Variants in BTG4 observed in about 807,000 individuals in gnomAD.
The protein encoded by BTG4 is BTG anti-proliferation factor 4.
A neutral mutation model predicts 19.3 loss-of-function variants in BTG4; 10 were observed. The observed-to-expected ratio is 0.52, with a 90% CI of 0.32 to 0.88. The LOEUF (loss-of-function observed/expected upper bound fraction) is 0.88, where lower values mean the gene tolerates loss of function less well. Among genes scored for constraint, BTG4 ranks in the 40% least tolerant of loss-of-function variants. The pLI, the probability that BTG4 is intolerant of heterozygous loss-of-function variation, is 0.04. For missense variants in BTG4, 238 were observed against 281.9 expected (o/e 0.84, Z 1.11); for synonymous variants, 91 against 95.7 (o/e 0.95, Z 0.29).
the BTG4 span, among the ~76,000 whole-genome samples, chr11:111,420,745 T>C: frequency 6.6e-6 from 1 of 152,248 alleles, no homozygotes. Flanking sequence ...CACATTTTTA[T>C]TGAGCACCTA....
downstream of BTG4, chr11:111,466,612 T>C (rs556719966): frequency 6.6e-6 from 1 of 152,120 alleles, no homozygotes; most frequent in East Asian, 1.9e-4. Flanking sequence ...GGTGGGTGGA[T>C]GGATGGATGG....
chr11:111,511,480 G>T lies in BTG4; in HGVS notation c.-27+701C>A, dbSNP rs118043702. Among the ~76,000 whole-genome samples the T allele has an allele frequency of 1.4e-4, 21 of 152,320 alleles. No individual in the cohort carries two copies. In the East Asian group the frequency reaches 3.7e-3, roughly 27 times the overall value. ...TTTTAGGGAATCAATCTATAGGTGGGAAGTTTTCTTTTGCAGAAACTAATT... is the reference window on the plus strand; with the variant it reads ...TTTTAGGGAATCAATCTATAGGTGGTAAGTTTTCTTTTGCAGAAACTAATT... On this transcript the variant is annotated intron_variant, in intron 1 of 4. Transcript: ENST00000692032.
At chr11:111,509,221 A>G (rs1162923681) in intron 1 of BTG4, among the ~76,000 whole-genome samples, 2 of 152,234 alleles carry the variant, frequency 1.3e-5, no homozygotes, top group Non-Finnish European at 2.9e-5. Context: ...TCTCCCATAA[A>G]TAGATTCAAT....
At chr11:111,406,801 G>A in the BTG4 span, among the ~76,000 whole-genome samples, 13 of 152,170 alleles carry the variant, frequency 8.5e-5, no homozygotes, top group African/African-American at 1.9e-4. Flanking sequence ...GAAGCAAGGC[G>A]TTGGTGGGAT....
At chr11:111,418,648 T>C in the BTG4 span, among the ~76,000 whole-genome samples, 6 of 152,156 alleles carry the variant, frequency 3.9e-5, no homozygotes, top group African/African-American at 1.4e-4. Context: ...AAACACTCTA[T>C]TTACTAGCTA....
At chr11:111,481,197 T>C (rs910572584) in intron 5 of BTG4, among the ~76,000 whole-genome samples, 21 of 152,054 alleles carry the variant, frequency 1.4e-4, no homozygotes, top group Non-Finnish European at 2.5e-4. Flanking sequence ...TAAAATAGGC[T>C]AATTTGTTAA....
At chr11:111,419,737 G>A in the BTG4 span, among the ~76,000 whole-genome samples, 1 of 152,240 alleles carries the variant, frequency 6.6e-6, no homozygotes, top group East Asian at 1.9e-4. Flanking sequence ...GACAGGAACT[G>A]ACATGGAGCA....
At chr11:111,419,902 G>A in the BTG4 span, among the ~76,000 whole-genome samples, 3 of 152,206 alleles carry the variant, frequency 2.0e-5, no homozygotes, top group East Asian at 1.9e-4. Context: ...AAAAGAGTAC[G>A]GGATGTGAGC....
At chr11:111,387,752 G>T in the BTG4 span, among the ~76,000 whole-genome samples, 1 of 152,180 alleles carries the variant, frequency 6.6e-6, no homozygotes, top group African/African-American at 2.4e-5. Context: ...AGATAATCAA[G>T]AAAGCCTGAT....
intron 1 of BTG4, among the ~76,000 whole-genome samples, chr11:111,499,424 A>AT (rs558807225): frequency 6.2e-4 from 94 of 152,328 alleles, no homozygotes; most frequent in Non-Finnish European, 1.1e-3. Context: ...TGAAATGATC[A>AT]TACAGCTTTT....
chr11:111,413,819 G>T, the BTG4 span, among the ~76,000 whole-genome samples: 4 of 152,346 alleles, frequency 2.6e-5, 1 homozygote, highest in East Asian at 5.8e-4. Context: ...AGAGCAGGTA[G>T]GATGGATGTC....
the BTG4 span, among the ~76,000 whole-genome samples, chr11:111,421,186 A>G: frequency 0.92 from 139,988 of 152,064 alleles, 64,782 homozygotes; most frequent in East Asian, 1. Context: ...GGCACCTCAT[A>G]TAGGGCCTCG....
At chr11:111,458,838 T>C in the BTG4 span, among the ~76,000 whole-genome samples, 39 of 152,300 alleles carry the variant, frequency 2.6e-4, no homozygotes, top group African/African-American at 8.9e-4. Flanking sequence ...CAGAATTGAC[T>C]TGAGTTTGAA....
intron 2 of BTG4, among the ~76,000 whole-genome samples, 197 bp downstream of exon 2, chr11:111,498,407 G>C (rs527847): frequency 6.6e-6 from 1 of 151,994 alleles, no homozygotes; most frequent in Non-Finnish European, 1.5e-5. Context: ...CTCACATAAG[G>C]GGCTTTGCTC....
intron 4 of BTG4, among the ~76,000 whole-genome samples, chr11:111,496,293 A>C (rs760502832): frequency 5.9e-5 from 9 of 152,334 alleles, no homozygotes; most frequent in Non-Finnish European, 1.3e-4. Context: ...TGAGACTACA[A>C]ATAAATACAA....
chr11:111,475,638 TA>T (rs944352780), intron 5 of BTG4, among the ~76,000 whole-genome samples: 1 of 152,036 alleles, frequency 6.6e-6, no homozygotes, highest in Non-Finnish European at 1.5e-5. Context: ...GAATTTAGGT[TA>T]AAAAAAATCC....
chr11:111,400,183 T>C, the BTG4 span, among the ~76,000 whole-genome samples: 1 of 152,176 alleles, frequency 6.6e-6, no homozygotes, highest in South Asian at 2.1e-4. Flanking sequence ...GTGCCTCAGT[T>C]TCCTCATCTG....
At chr11:111,513,493 C>A (rs1395145737), upstream of BTG4, 9 of 531,756 alleles carry the variant, frequency 1.7e-5, 1 homozygote, top group Admixed American at 7.8e-5. Context: ...CAATCACTAA[C>A]CACACGGCCA....
At chr11:111,484,558 G>T (rs979546106) in intron 5 of BTG4, among the ~76,000 whole-genome samples, 1 of 151,968 alleles carries the variant, frequency 6.6e-6, no homozygotes, top group Non-Finnish European at 1.5e-5. Context: ...TGTAATCACA[G>T]TTGTCACCAT....
Sources: gnomAD v4.1 joint callset for allele counts (sites outside exome capture counted in the v4.1 genomes callset) on GRCh38, gnomAD v4.1.1 for gene constraint, MANE v1.5 for transcripts, NCBI Gene and HGNC (gene_info 2026-07-23, HGNC 2026-07-21) for gene names.